The following CHMP3 variants were observed in gnomAD, a reference collection of about 807,000 sequenced individuals.
CHMP3 encodes 25.1 protein.
In CHMP3, 8 loss-of-function variants were observed where a neutral mutation model predicts 27.4. The ratio of observed to expected loss-of-function variants is 0.29; its 90% CI spans 0.17 to 0.53. The LOEUF (loss-of-function observed/expected upper bound fraction) is 0.53. Among genes scored for constraint, CHMP3 ranks in the 20% least tolerant of loss-of-function variants. The pLI is 0.96. For synonymous variants in CHMP3, 86 were observed against 85.5 expected (o/e 1.01, Z -0.03); for missense variants, 208 against 271.5 (o/e 0.77, Z 1.64).
intron 1 of CHMP3, among the ~76,000 whole-genome samples, chr2:86,556,563 G>A (rs1208145169): frequency 6.6e-6 from 1 of 152,188 alleles, no homozygotes; most frequent in East Asian, 1.9e-4. Context: ...TCTTACCTGG[G>A]AGATGTAAGG....
At chr2:86,558,449 T>C (rs1205820757) in intron 1 of CHMP3, among the ~76,000 whole-genome samples, 1 of 152,224 alleles carries the variant, frequency 6.6e-6, no homozygotes, top group African/African-American at 2.4e-5. Context: ...CCTTAAACCC[T>C]ACTAAACCTT....
At chr2:86,510,281 CTCATCCCTAGCCCCCTGTT>C in intron 4 of CHMP3, 58 bp downstream of exon 4, 1 of 1,323,628 alleles carries the variant, frequency 7.6e-7, no homozygotes, top group Admixed American at 1.8e-5. Flanking sequence ...CCCACCCACC[CTCATCCCTAGCCCCCTGTT>C]ACTTGTTTAG....
intron 1 of CHMP3, 61 bp from the exon 2 acceptor site, chr2:86,542,373 T>G: frequency 6.7e-7 from 1 of 1,503,242 alleles, no homozygotes. Context: ...TCAATCTAAT[T>G]TAAGAATTTT....
intron 1 of CHMP3, among the ~76,000 whole-genome samples, chr2:86,547,200 C>T (rs1476369280): frequency 2.0e-5 from 3 of 152,160 alleles, no homozygotes; most frequent in Non-Finnish European, 2.9e-5. Flanking sequence ...AAGACCTTCT[C>T]TTATTCACCA....
intron 1 of CHMP3, among the ~76,000 whole-genome samples, chr2:86,551,420 C>T (rs1305552577): frequency 6.6e-6 from 1 of 152,110 alleles, no homozygotes; most frequent in Admixed American, 6.5e-5. Context: ...CCACGCCCAG[C>T]TACTTTTTGT....
chr2:86,559,934 C>A lies in CHMP3; in HGVS notation c.45+3370G>T, dbSNP rs972058532. Among the ~76,000 whole-genome samples the A allele has an allele frequency of 1.4e-4, 22 of 152,164 alleles. No individual in the cohort carries two copies. The East Asian group carries it at 4.0e-3, about 28-fold the overall frequency. On this transcript the variant is annotated intron_variant, in intron 1 of 5. Transcript: ENST00000263856. ...GTGGTACTGTATTAGTCGGTTCTTACATTGCTATAAAGAAATACCTGAGAC... is the reference window on the plus strand; with the variant it reads ...GTGGTACTGTATTAGTCGGTTCTTAAATTGCTATAAAGAAATACCTGAGAC...
intron 2 of CHMP3, among the ~76,000 whole-genome samples, chr2:86,540,416 T>C (rs1313549047): frequency 6.6e-6 from 1 of 152,126 alleles, no homozygotes; most frequent in Admixed American, 6.6e-5. Context: ...ATATCTCTTA[T>C]CCAACATGCT....
chr2:86,520,998 G>A (rs1313171257), intron 3 of CHMP3, among the ~76,000 whole-genome samples: 2 of 152,120 alleles, frequency 1.3e-5, no homozygotes, highest in Non-Finnish European at 2.9e-5. Context: ...ACTGATCAAT[G>A]TACTTTGTAA....
intron 5 of CHMP3, chr2:86,507,032 T>G (rs74583495): frequency 6.6e-6 from 1 of 151,230 alleles, no homozygotes; most frequent in African/African-American, 2.4e-5. Context: ...TTTTTTTTTT[T>G]AATATATATT....
At chr2:86,539,104 T>C (rs1676258588) in intron 2 of CHMP3, among the ~76,000 whole-genome samples, 2 of 152,188 alleles carry the variant, frequency 1.3e-5, no homozygotes, top group South Asian at 2.1e-4. Flanking sequence ...TATTTCTTTT[T>C]AGATCCATTC....
chr2:86,513,562 G>A (rs1675183836), intron 3 of CHMP3, among the ~76,000 whole-genome samples: 1 of 152,192 alleles, frequency 6.6e-6, no homozygotes, highest in African/African-American at 2.4e-5. Context: ...ACTCTTGTGT[G>A]GGATGTTGAC....
intron 3 of CHMP3, among the ~76,000 whole-genome samples, chr2:86,527,447 A>G (rs1051441813): frequency 5.3e-5 from 8 of 152,178 alleles, no homozygotes; most frequent in Admixed American, 2.6e-4. Flanking sequence ...TCAACTGAAC[A>G]TGTGTCTTTT....
At chr2:86,557,927 AT>A (rs1677189490) in intron 1 of CHMP3, among the ~76,000 whole-genome samples, 1 of 152,176 alleles carries the variant, frequency 6.6e-6, no homozygotes, top group Non-Finnish European at 1.5e-5. Flanking sequence ...TGTAAGCCTT[AT>A]TCCAATCCAA....
chr2:86,533,901 G>A (rs569543015), intron 2 of CHMP3, among the ~76,000 whole-genome samples: 2 of 152,262 alleles, frequency 1.3e-5, no homozygotes, highest in East Asian at 3.9e-4. Flanking sequence ...TTACTTGTCT[G>A]TAAGTATTTT....
chr2:86,552,569 C>G (rs1676950524), intron 1 of CHMP3, among the ~76,000 whole-genome samples: 1 of 152,124 alleles, frequency 6.6e-6, no homozygotes, highest in Admixed American at 6.5e-5. Context: ...AAAATATCAC[C>G]CCTCAGGTTA....
At chr2:86,537,776 C>T (rs536330968) in intron 2 of CHMP3, among the ~76,000 whole-genome samples, 32 of 152,262 alleles carry the variant, frequency 2.1e-4, no homozygotes, top group South Asian at 4.1e-4. Flanking sequence ...TCTACATTCC[C>T]TCATATATAC....
At chr2:86,552,146 T>C (rs897092720) in intron 1 of CHMP3, among the ~76,000 whole-genome samples, 2 of 152,200 alleles carry the variant, frequency 1.3e-5, no homozygotes, top group African/African-American at 4.8e-5. Flanking sequence ...GTATAAGTTT[T>C]TCAGTATCAA....
At position 86,532,509 on chromosome 2, in the gene CHMP3, T is replaced by C. The variant is rs578234514; in HGVS notation, c.107-3112A>G. Among the ~76,000 whole-genome samples the C allele has an allele frequency of 7.9e-5, 12 of 152,332 alleles. No homozygotes were observed. In the South Asian group the frequency reaches 2.5e-3, roughly 32 times the overall value. Reference sequence around the variant, plus strand: ...GGCAAAAGTGGGTATCCTTGCCTTGTTCCTGATCTTAGACGAAAAGCTTTT... The same window carrying C: ...GGCAAAAGTGGGTATCCTTGCCTTGCTCCTGATCTTAGACGAAAAGCTTTT... On this transcript the variant is annotated intron_variant, in intron 2 of 5. Transcript: ENST00000263856.
chr2:86,558,078 G>A (rs1440189886), intron 1 of CHMP3, among the ~76,000 whole-genome samples: 1 of 152,120 alleles, frequency 6.6e-6, no homozygotes, highest in Non-Finnish European at 1.5e-5. Context: ...GAATTCTGAT[G>A]CCATGGAAGG....
Sources: allele counts gnomAD v4.1 joint callset (sites outside exome capture counted in the v4.1 genomes callset), GRCh38; gene constraint gnomAD v4.1.1; transcripts MANE v1.5; gene names NCBI Gene and HGNC (gene_info 2026-07-23, HGNC 2026-07-21).